The following TMCO4 variants were observed in gnomAD, a reference collection of about 807,000 sequenced individuals.
TMCO4 encodes transmembrane and coiled-coil domains 4.
A neutral mutation model predicts 64.7 loss-of-function variants in TMCO4; 58 were observed. The ratio of observed to expected loss-of-function variants is 0.90; its 90% CI spans 0.73 to 1.12. The LOEUF is 1.12. TMCO4 is among the 50% of genes most tolerant of loss of function. The probability of loss-of-function intolerance (pLI) is 0.00; values close to 1 mark genes in which losing one functional copy is unlikely to be tolerated. For synonymous variants in TMCO4, 325 were observed against 346.1 expected, an observed-to-expected ratio of 0.94 and a Z score of 0.68; for missense variants, 780 against 825.9, an observed-to-expected ratio of 0.94 and a Z score of 0.68.
chr1:19,795,714 G>A (rs1463455350), intron 2 of TMCO4, among the ~76,000 whole-genome samples: 1 of 152,162 alleles, frequency 6.6e-6, no homozygotes, highest in Non-Finnish European at 1.5e-5. Context: ...TTCAACTTGT[G>A]CCTGGGTCTT....
Position 19,739,912 on chromosome 1 carries a change from T to C in TMCO4, c.1091A>G (p.Asn364Ser), listed in dbSNP as rs59966976. ...CACCCCCCAGGGGTTGTCGATGACATTGGCGACACTGAGGAGTGAGGCTGG... is the reference window on the plus strand; with the variant it reads ...CACCCCCCAGGGGTTGTCGATGACACTGGCGACACTGAGGAGTGAGGCTGG... ...TWPASLLSVA[N>S]VIDNPWGVCL... Residue 364 changes from asparagine to serine, a missense_variant, in exon 12 of 16, where the codon AAT becomes AGT. Coordinates refer to ENST00000294543, the MANE Select transcript of TMCO4 (RefSeq NM_181719.7). 8.4e-4 allele frequency: 1,351 copies of C among 1,613,948 alleles called. 7 individuals are homozygous for C. The African/African-American group carries it at 0.014, about 17-fold the overall frequency.
intron 13 of TMCO4, among the ~76,000 whole-genome samples, chr1:19,737,094 C>T (rs1474378679): frequency 6.6e-6 from 1 of 152,148 alleles, no homozygotes; most frequent in East Asian, 1.9e-4. Context: ...ATTTCTTGTC[C>T]CCTTCATTCC....
intron 9 of TMCO4, 107 bp from the exon 10 acceptor site, chr1:19,745,758 C>T (rs923379479): frequency 7.8e-6 from 11 of 1,405,896 alleles, no homozygotes; most frequent in Non-Finnish European, 1.0e-5. Context: ...CATCTGTGTG[C>T]CCTGCCCCTG....
At chr1:19,735,967 A>G (rs1300676316) in intron 13 of TMCO4, among the ~76,000 whole-genome samples, 1 of 152,174 alleles carries the variant, frequency 6.6e-6, no homozygotes, top group East Asian at 1.9e-4. Context: ...GCATTGGCCG[A>G]CAACCAGCAC....
At chr1:19,717,063 G>A (rs2095360113) in intron 13 of TMCO4, among the ~76,000 whole-genome samples, 1 of 152,172 alleles carries the variant, frequency 6.6e-6, no homozygotes, top group South Asian at 2.1e-4. Context: ...GTAGGCGCCT[G>A]TAATCCCAAC....
At chr1:19,700,254 C>T (rs1300333082) in intron 14 of TMCO4, among the ~76,000 whole-genome samples, 3 of 152,134 alleles carry the variant, frequency 2.0e-5, no homozygotes, top group Non-Finnish European at 2.9e-5. Context: ...GTCTGTCACC[C>T]TGTTTGGGTA....
intron 13 of TMCO4, among the ~76,000 whole-genome samples, chr1:19,717,335 G>A (rs1457376731): frequency 1.3e-5 from 2 of 152,234 alleles, no homozygotes; most frequent in African/African-American, 4.8e-5. Flanking sequence ...CACACCTGGT[G>A]GAAATGGGGT....
chr1:19,734,472 A>G lies in TMCO4; in HGVS notation c.1264+2900T>C, dbSNP rs11801111. On this transcript the variant is annotated intron_variant, in intron 13 of 15. Transcript: ENST00000294543. This position sits in a 1 kb window ranked among gnomAD's most constrained non-coding sequence, Gnocchi z 4.4. ...GGGTCCTCCTTGGCAGGATCCACTCAGTTACTCATTCACTCCACAGTTTAA... is the reference window on the plus strand; with the variant it reads ...GGGTCCTCCTTGGCAGGATCCACTCGGTTACTCATTCACTCCACAGTTTAA... 0.063 allele frequency among the ~76,000 whole-genome samples: 9,592 copies of G among 152,156 alleles called. 677 individuals are homozygous for G. The highest frequency in any genetic ancestry group is 0.17 in the African/African-American group (7,075 of 41,488).
chr1:19,789,105 C>A lies in TMCO4; in HGVS notation c.-100-1988G>T, dbSNP rs866418505. 2.7e-5 allele frequency among the ~76,000 whole-genome samples: 4 copies of A among 149,882 alleles called. No individual in the cohort carries two copies. In the East Asian group the frequency reaches 5.9e-4, roughly 22 times the overall value. On this transcript the variant is annotated intron_variant, in intron 2 of 15. Transcript: ENST00000294543. ...AAAAAAAAAATTAAATTAAAAAAAA[C>A]AACAACCATGTTTCAGCCAGGTGTA...
At position 19,725,793 on chromosome 1, in the gene TMCO4, C is replaced by T. The variant is rs193189138; in HGVS notation, c.1264+11579G>A. On this transcript the variant is annotated intron_variant, in intron 13 of 15. Transcript: ENST00000294543. ...TGGTTTTGAGTGGGCAGAGTCGTTACCCAGGCTGTGTGTGTGTGCCAGCCG... is the reference window on the plus strand; with the variant it reads ...TGGTTTTGAGTGGGCAGAGTCGTTATCCAGGCTGTGTGTGTGTGCCAGCCG... Among the ~76,000 whole-genome samples the T allele has an allele frequency of 3.1e-3, 465 of 152,312 alleles. 2 individuals are homozygous for T. In the South Asian group the frequency reaches 0.033, roughly 11 times the overall value.
intron 3 of TMCO4, among the ~76,000 whole-genome samples, chr1:19,782,848 C>T (rs1461014218): frequency 6.6e-6 from 1 of 152,206 alleles, no homozygotes; most frequent in Non-Finnish European, 1.5e-5. Flanking sequence ...AGCACCGCCA[C>T]TTATTAGATA....
chr1:19,699,022 C>T (rs896236533), intron 14 of TMCO4, among the ~76,000 whole-genome samples: 2 of 152,092 alleles, frequency 1.3e-5, no homozygotes, highest in African/African-American at 2.4e-5. Context: ...CGGTGAAACC[C>T]CATCTCTACT....
chr1:19,788,865 G>C (rs1571051484), intron 2 of TMCO4, among the ~76,000 whole-genome samples: 1 of 152,100 alleles, frequency 6.6e-6, no homozygotes, highest in South Asian at 2.1e-4. Flanking sequence ...CAGGAGGTCA[G>C]GAGATCAAGA....
rs780075214 is a variant in TMCO4, at chr1:19,694,471, T to C, written c.1463A>G (p.Gln488Arg). The change falls in exon 15 of 16, where the codon CAG (glutamine) becomes CGG (arginine). Residue 488 changes from glutamine (Q) to arginine (R), a missense_variant. Transcript: ENST00000294543. Reference sequence around the variant, plus strand: ...GTCCACGTTCTCCACCCTCCTGTCCTGCAGCAGCACGGGCTGTAGGCCGGC... The same window carrying C: ...GTCCACGTTCTCCACCCTCCTGTCCCGCAGCAGCACGGGCTGTAGGCCGGC... ...RVAGLQPVLLQDRRVENVDLT... is the reference protein window; with the variant it reads ...RVAGLQPVLLRDRRVENVDLT... 1 of 1,614,132 alleles carries C rather than the reference T, an allele frequency of 6.2e-7. No homozygotes were observed. Among genetic ancestry groups the C allele is most frequent in the South Asian group, 1.1e-5 (1 of 91,084 alleles).
chr1:19,785,910 G>T (rs748381397), intron 3 of TMCO4, among the ~76,000 whole-genome samples: 1 of 152,196 alleles, frequency 6.6e-6, no homozygotes, highest in Non-Finnish European at 1.5e-5. Flanking sequence ...GTCACAGGCT[G>T]GGTGGAGAGG....
chr1:19,760,595 C>A (rs907322426), intron 6 of TMCO4, among the ~76,000 whole-genome samples: 3 of 152,128 alleles, frequency 2.0e-5, no homozygotes, highest in Non-Finnish European at 4.4e-5. Flanking sequence ...ATATATATAT[C>A]TCCAGCAATC....
Position 19,770,626 on chromosome 1 carries a change from C to A in TMCO4, c.355-57G>T. On this transcript the variant is annotated intron_variant, in intron 5 of 15. Transcript: ENST00000294543. ...AAGCTGATATACGATACAGCGCGCT[C>A]ATTTGACAAATATTGACTCCTACCA... 3.2e-6 allele frequency: 5 copies of A among 1,558,384 alleles called. No individual in the cohort carries two copies. In the South Asian group the frequency reaches 3.6e-5, roughly 11 times the overall value.
chr1:19,703,636 C>A (rs1557479267), intron 13 of TMCO4, among the ~76,000 whole-genome samples: 1 of 151,650 alleles, frequency 6.6e-6, no homozygotes, highest in Non-Finnish European at 1.5e-5. Flanking sequence ...CAAATTCCAC[C>A]CCCCAGGTTC....
At chr1:19,697,795 G>T (rs2095246885) in intron 14 of TMCO4, among the ~76,000 whole-genome samples, 1 of 145,780 alleles carries the variant, frequency 6.9e-6, no homozygotes, top group Non-Finnish European at 1.5e-5. Context: ...TTTTTTTGTG[G>T]ACACAGGTTT....
Sources: allele counts gnomAD v4.1 joint callset (sites outside exome capture counted in the v4.1 genomes callset), GRCh38; gene constraint gnomAD v4.1.1; non-coding constraint Gnocchi (gnomAD v3.1); transcripts MANE v1.5; gene names NCBI Gene and HGNC (gene_info 2026-07-23, HGNC 2026-07-21).